Variants in LHPP observed in about 807,000 individuals in gnomAD.
The protein encoded by LHPP is phospholysine phosphohistidine inorganic pyrophosphate phosphatase.
LHPP carries 24 observed loss-of-function variants against 30.3 expected under a neutral mutation model. That is an observed-to-expected ratio of 0.79 (90% CI 0.57 to 1.11). The LOEUF (loss-of-function observed/expected upper bound fraction) is 1.11. Ranked by LOEUF, LHPP falls within the 50% of genes most tolerant of loss-of-function variation. The probability of loss-of-function intolerance (pLI) is 0.00; values close to 1 mark genes in which losing one functional copy is unlikely to be tolerated. For synonymous variants in LHPP, 150 were observed against 157.1 expected, an observed-to-expected ratio of 0.95 and a Z score of 0.34; for missense variants, 356 against 367.2, an observed-to-expected ratio of 0.97 and a Z score of 0.25.
intron 2 of LHPP, among the ~76,000 whole-genome samples, 163 bp downstream of exon 2, chr10:124,484,489 G>A (rs950442357): frequency 1.3e-5 from 2 of 151,968 alleles, no homozygotes; most frequent in African/African-American, 4.8e-5. Context: ...CCTGCTGGGG[G>A]CTGGGGGCAG....
chr10:124,571,197 G>A (rs1197675781), intron 6 of LHPP, among the ~76,000 whole-genome samples: 1 of 152,216 alleles, frequency 6.6e-6, no homozygotes, highest in Non-Finnish European at 1.5e-5. Context: ...TCTCTGGTAT[G>A]TCTTTATCAG....
At chr10:124,591,024 C>A (rs1456909289) in intron 6 of LHPP, among the ~76,000 whole-genome samples, 2 of 152,160 alleles carry the variant, frequency 1.3e-5, no homozygotes, top group East Asian at 3.8e-4. Flanking sequence ...CCTGTTTCCT[C>A]AAGTCTGTGT....
At chr10:124,503,932 C>G (rs1357904455) in intron 5 of LHPP, among the ~76,000 whole-genome samples, 1 of 152,136 alleles carries the variant, frequency 6.6e-6, no homozygotes, top group African/African-American at 2.4e-5. Flanking sequence ...TGGCTCACAC[C>G]TGTAATCTCA....
chr10:124,530,340 G>A (rs757902271), intron 6 of LHPP, among the ~76,000 whole-genome samples: 6 of 152,124 alleles, frequency 3.9e-5, no homozygotes, highest in African/African-American at 7.2e-5. Context: ...GGGACAGGCC[G>A]GGCCTGCTGG....
At position 124,553,965 on chromosome 10, in the gene LHPP, C is replaced by T; in HGVS notation, c.716+36694C>T. On this transcript the variant is annotated intron_variant, in intron 6 of 6. Transcript: ENST00000368842. ...AGCCCCCCTGTTGTCCTTGCGGCAC[C>T]ATGCTCTGGGAACTGGGCGCTCCTG... 1.2e-5 allele frequency: 12 copies of T among 985,426 alleles called. No individual in the cohort carries two copies. In the South Asian group the frequency reaches 5.6e-4, roughly 46 times the overall value. 61.0% of individuals were successfully genotyped at this position (985,426 alleles called of 1,614,324 possible). A position where few individuals can be genotyped will look rare whatever the true frequency, so the allele number is the denominator to read the frequency against.
intron 6 of LHPP, among the ~76,000 whole-genome samples, chr10:124,568,273 A>C (rs1948524482): frequency 6.6e-6 from 1 of 152,058 alleles, no homozygotes; most frequent in Admixed American, 6.5e-5. Context: ...TGTGCATATC[A>C]TAAGGGTACA....
chr10:124,580,543 C>T (rs940714936), intron 6 of LHPP, among the ~76,000 whole-genome samples: 7 of 152,112 alleles, frequency 4.6e-5, no homozygotes, highest in Admixed American at 3.9e-4. Context: ...CTTATAATGC[C>T]ACCTCTGTCA....
At chr10:124,567,722 C>T (rs1413754447) in intron 6 of LHPP, among the ~76,000 whole-genome samples, 1 of 152,204 alleles carries the variant, frequency 6.6e-6, no homozygotes, top group Non-Finnish European at 1.5e-5. Flanking sequence ...GTTAGACACG[C>T]ATATGCACAC....
At chr10:124,467,967 C>T (rs1369288329) in intron 1 of LHPP, among the ~76,000 whole-genome samples, 2 of 152,160 alleles carry the variant, frequency 1.3e-5, no homozygotes, top group Non-Finnish European at 2.9e-5. Context: ...GCCTGGGCCT[C>T]CCAAAGTGCT....
At chr10:124,530,674 G>A (rs188539155) in intron 6 of LHPP, among the ~76,000 whole-genome samples, 243 of 152,192 alleles carry the variant, frequency 1.6e-3, no homozygotes, top group African/African-American at 4.9e-3. Context: ...TCTGCCTCTC[G>A]GGGCCCTGGG....
At chr10:124,543,650 G>C (rs556612813) in intron 6 of LHPP, among the ~76,000 whole-genome samples, 3 of 152,216 alleles carry the variant, frequency 2.0e-5, no homozygotes, top group African/African-American at 7.2e-5. Context: ...GGAGGGGTCC[G>C]TGGGGCCTGT....
intron 1 of LHPP, among the ~76,000 whole-genome samples, chr10:124,469,936 C>CTGG (rs1333904957): frequency 6.6e-6 from 1 of 152,188 alleles, no homozygotes; most frequent in East Asian, 1.9e-4. Context: ...AGGCAGGCAT[C>CTGG]TGGGCTAAGA....
In LHPP at chr10:124,572,678, G is replaced by A. The variant is rs1453786551; in HGVS notation, c.717-40586G>A. ...AGGAAAGGAAAGAAAAGAAAAAAAA[G>A]AAGGAAGGGAGGGAGGAAGGAAGGG... On this transcript the variant is annotated intron_variant, in intron 6 of 6. Coordinates refer to ENST00000368842, the MANE Select transcript of LHPP (RefSeq NM_022126.4). 4.2e-5 allele frequency among the ~76,000 whole-genome samples: 6 copies of A among 144,566 alleles called. No individual in the cohort carries two copies. The East Asian group carries it at 6.6e-4, about 16-fold the overall frequency. The allele number at this position is 144,566 out of a possible 152,430, so 94.8% of individuals were successfully genotyped here. A position where few individuals can be genotyped will look rare whatever the true frequency, so the allele number is the denominator to read the frequency against.
At chr10:124,559,950 G>C (rs1948365495) in intron 6 of LHPP, among the ~76,000 whole-genome samples, 1 of 152,258 alleles carries the variant, frequency 6.6e-6, no homozygotes, top group Non-Finnish European at 1.5e-5. Context: ...ACCCAAAGCA[G>C]AAAACCCTGG....
Position 124,497,104 on chromosome 10 carries a change from C to A in LHPP, c.531+80C>A, listed in dbSNP as rs952978953. Reference sequence around the variant, plus strand: ...TTTTTGGGTCTTTGTTGAGAAGAGGCTGTGCTTAATTAACGTACAAATGGC... The same window carrying A: ...TTTTTGGGTCTTTGTTGAGAAGAGGATGTGCTTAATTAACGTACAAATGGC... On this transcript the variant is annotated intron_variant, in intron 4 of 6. Transcript: ENST00000368842. 12 of 1,148,108 alleles carry A rather than the reference C, an allele frequency of 1.0e-5. No homozygotes were observed. In the African/African-American group the frequency reaches 1.7e-4, roughly 16 times the overall value. The allele number at this position is 1,148,108 out of a possible 1,614,324, so 71.1% of individuals were successfully genotyped here. A position where few individuals can be genotyped will look rare whatever the true frequency, so the allele number is the denominator to read the frequency against.
chr10:124,519,603 C>T (rs186483178), intron 6 of LHPP, among the ~76,000 whole-genome samples: 53 of 152,246 alleles, frequency 3.5e-4, no homozygotes, highest in Non-Finnish European at 6.5e-4. Context: ...CCACCCTTCC[C>T]GGCAAGCCCC....
In LHPP at chr10:124,484,310, C is replaced by A. The variant is rs1162831251; in HGVS notation, c.297C>A (p.Tyr99Ter). Residue 99 changes from tyrosine to a stop codon, truncating the protein, a stop_gained, in exon 2 of 7, where the codon TAC (tyrosine) becomes TAA (stop). Coordinates refer to ENST00000368842, the MANE Select transcript of LHPP (RefSeq NM_022126.4). LOFTEE classifies it high-confidence loss of function. The part of the protein sequence containing the change: ...QILKEQGLRP[Y>*]LLIHDGVRSE... Reference sequence around the variant, plus strand: ...TGAAGGAGCAAGGCCTGCGACCATACCTGCTCATCCATGACGGTAGGCCTG... The same window carrying A: ...TGAAGGAGCAAGGCCTGCGACCATAACTGCTCATCCATGACGGTAGGCCTG... 1.2e-6 allele frequency: 2 copies of A among 1,613,172 alleles called. No homozygotes were observed. Among genetic ancestry groups the A allele is most frequent in the Non-Finnish European group, 8.5e-7 (1 of 1,179,338 alleles).
chr10:124,502,698 G>A (rs1165833206), intron 5 of LHPP, among the ~76,000 whole-genome samples: 1 of 117,798 alleles, frequency 8.5e-6, no homozygotes, highest in Non-Finnish European at 1.7e-5. Flanking sequence ...TTTTGAGCAG[G>A]AATCTCATCC....
chr10:124,526,551 G>T (rs1008801643), intron 6 of LHPP, among the ~76,000 whole-genome samples: 2 of 152,188 alleles, frequency 1.3e-5, no homozygotes, highest in Non-Finnish European at 2.9e-5. Context: ...CAGGGGCCGG[G>T]CCTCACAAAA....
Sources: allele counts gnomAD v4.1 joint callset (sites outside exome capture counted in the v4.1 genomes callset), GRCh38; gene constraint gnomAD v4.1.1; transcripts MANE v1.5; gene names NCBI Gene and HGNC (gene_info 2026-07-23, HGNC 2026-07-21).